The following OR11G2 variants were observed in gnomAD, a reference collection of about 807,000 sequenced individuals.
OR11G2 encodes the protein olfactory receptor family 11 subfamily G member 2.
In OR11G2, 2 loss-of-function variants were observed where a neutral mutation model predicts 0.9. The ratio of observed to expected loss-of-function variants is 2.35; its 90% CI spans 0.96 to 7.38. OR11G2 has a LOEUF of 7.38. OR11G2 is among the 30% of genes most tolerant of loss of function. The pLI, the probability that OR11G2 is intolerant of heterozygous loss-of-function variation, is 0.05. For missense variants in OR11G2, 395 were observed against 371.3 expected (o/e 1.06, Z -0.52); for synonymous variants, 153 against 142.0 (o/e 1.08, Z -0.55).
At position 20,198,117 on chromosome 14, in the gene OR11G2, G is replaced by A. The variant is rs112959092; in HGVS notation, c.680G>A (p.Arg227Lys). 32 of 1,614,122 alleles carry A rather than the reference G, an allele frequency of 2.0e-5. No homozygotes were observed. Among genetic ancestry groups the A allele is most frequent in the African/African-American group, 1.9e-4 (14 of 75,020 alleles). ...GTGGGGTCCTATGCTCTGGTCGTGA[G>A]AGCTGTGTTGAGGGTCCCTTCAGCA... ...FIVGSYALVV[R>K]AVLRVPSAAG... is the part of the protein sequence containing the mutation. The change falls in exon 2 of 2, where the codon AGA becomes AAA. Residue 227 changes from arginine (R) to lysine (K), a missense_variant. Coordinates refer to ENST00000641879, the MANE Select transcript of OR11G2 (RefSeq NM_001386033.1).
chr14:20,195,299 G>A (rs1465032407), intron 1 of OR11G2, among the ~76,000 whole-genome samples: 2 of 152,160 alleles, frequency 1.3e-5, no homozygotes, highest in African/African-American at 2.4e-5. Context: ...CAGCACTTTG[G>A]GAGGTCGAAG....
chr14:20,195,124 T>C (rs1290389176), intron 1 of OR11G2, among the ~76,000 whole-genome samples: 1 of 152,216 alleles, frequency 6.6e-6, no homozygotes, highest in Non-Finnish European at 1.5e-5. Context: ...TTAATCCTTA[T>C]TTTGCTTATA....
At chr14:20,197,035 A>C (rs2139112095) in intron 1 of OR11G2, among the ~76,000 whole-genome samples, 1 of 152,372 alleles carries the variant, frequency 6.6e-6, no homozygotes, top group East Asian at 1.9e-4. Context: ...CACCGTCTGA[A>C]AATGAAATTC....
intron 1 of OR11G2, among the ~76,000 whole-genome samples, chr14:20,194,118 G>A (rs1178004197): frequency 1.3e-5 from 2 of 152,078 alleles, no homozygotes; most frequent in Non-Finnish European, 2.9e-5. Flanking sequence ...TATTATGAAG[G>A]GTCAAACCAA....
At chr14:20,194,035 GA>G (rs1205386487) in intron 1 of OR11G2, among the ~76,000 whole-genome samples, 1 of 152,190 alleles carries the variant, frequency 6.6e-6, no homozygotes, top group African/African-American at 2.4e-5. Context: ...TTGTACAACA[GA>G]GTGTGTGTTT....
At position 20,193,460 on chromosome 14, in the gene OR11G2, T is replaced by C. The variant is rs1033737187; in HGVS notation, c.-5+1794T>C. Among the ~76,000 whole-genome samples, 5 of 152,230 alleles carry C rather than the reference T, an allele frequency of 3.3e-5. No homozygotes were observed. In the South Asian group the frequency reaches 8.3e-4, roughly 25 times the overall value. The stretch of plus-strand genomic sequence containing the variant: ...CCAAGGAGCTTCTGTTGTTCCACAG[T>C]CAAATGGATGTTCCTTGTTCTGTTT... On this transcript the variant is annotated intron_variant, in intron 1 of 1. Coordinates refer to ENST00000641879, the MANE Select transcript of OR11G2 (RefSeq NM_001386033.1).
In OR11G2 at chr14:20,192,523, CA is replaced by C. The variant is rs1879673680; in HGVS notation, c.-5+858del. 5.9e-5 allele frequency among the ~76,000 whole-genome samples: 9 copies of C among 152,308 alleles called. No homozygotes were observed. The South Asian group carries it at 1.9e-3, about 32-fold the overall frequency. Reference sequence around the variant, plus strand: ...CTCTCTGGGATGGGACATGTTCTATCACCCAGAACATTCGATTTCCCATGGC... The same window carrying C: ...CTCTCTGGGATGGGACATGTTCTATCCCCAGAACATTCGATTTCCCATGGC... On this transcript the variant is annotated intron_variant, in intron 1 of 1. Coordinates refer to ENST00000641879, the MANE Select transcript of OR11G2 (RefSeq NM_001386033.1).
intron 1 of OR11G2, among the ~76,000 whole-genome samples, chr14:20,192,151 C>A (rs1879665933): frequency 1.3e-5 from 2 of 152,092 alleles, no homozygotes; most frequent in African/African-American, 4.8e-5. Flanking sequence ...CTCGGCCTCC[C>A]AAATAGCTGG....
rs1334915466 is a variant in OR11G2 at position 20,200,337 on chromosome 14, G to A, written c.*1964G>A. On this transcript the variant is annotated 3_prime_UTR_variant, in exon 2 of 2. Transcript: ENST00000641879. Reference sequence around the variant, plus strand: ...TGTAAAATAGTAAGAGAACAGAACAGTATCCCAGTAAGAAAATGAGCAAAA... The same window carrying A: ...TGTAAAATAGTAAGAGAACAGAACAATATCCCAGTAAGAAAATGAGCAAAA... 1 of 152,068 alleles carries A rather than the reference G, an allele frequency of 6.6e-6. No individual in the cohort carries two copies. Among genetic ancestry groups the A allele is most frequent in the Non-Finnish European group, 1.5e-5 (1 of 68,006 alleles). The allele number at this position is 152,068 out of a possible 1,614,324, so 9.4% of individuals were successfully genotyped here.
rs1356649483 is a variant in OR11G2, at chr14:20,191,249, T to C, written c.-422T>C. 1 of 152,194 alleles carries C rather than the reference T, an allele frequency of 6.6e-6. No homozygotes were observed. Among genetic ancestry groups the C allele is most frequent in the Non-Finnish European group, 1.5e-5 (1 of 68,042 alleles). 9.4% of individuals were successfully genotyped at this position (152,194 alleles called of 1,614,324 possible). On this transcript the variant is annotated 5_prime_UTR_variant, in exon 1 of 2. The change abolishes an upstream ATG in the 5' untranslated region. Coordinates refer to ENST00000641879, the MANE Select transcript of OR11G2 (RefSeq NM_001386033.1). ...CAGAAAGTAAATAGGTGTAATGATA[T>C]GTAGTCAAAATCAAGTGAAGCAGAT... is the stretch of plus-strand genomic sequence containing the variant.
intron 1 of OR11G2, among the ~76,000 whole-genome samples, chr14:20,196,913 A>G (rs2139112001): frequency 6.6e-6 from 1 of 152,358 alleles, no homozygotes; most frequent in East Asian, 1.9e-4. Context: ...AATTTAGAAT[A>G]AGGCCAGTGT....
chr14:20,199,391 TA>T lies in OR11G2; in HGVS notation c.*1022del, dbSNP rs1879854582. 1 of 152,198 alleles carries T rather than the reference TA, an allele frequency of 6.6e-6. No individual in the cohort carries two copies. The allele number at this position is 152,198 out of a possible 1,614,324, so 9.4% of individuals were successfully genotyped here. The stretch of plus-strand genomic sequence containing the variant: ...CAAATTCTCTACCTTCTCAGTTCAG[TA>T]AAACTACTGCTTTCTGCTCAGTCCT... On this transcript the variant is annotated 3_prime_UTR_variant, in exon 2 of 2. Coordinates refer to ENST00000641879, the MANE Select transcript of OR11G2 (RefSeq NM_001386033.1).
Position 20,197,892 on chromosome 14 carries a change from G to T in OR11G2, c.455G>T (p.Cys152Phe). Residue 152 changes from cysteine (C) to phenylalanine (F), a missense_variant, in exon 2 of 2, where the codon TGC (cysteine) becomes TTC (phenylalanine). Transcript: ENST00000641879. ...RRLCTNLVVN[C>F]WVLGFIWFLI... ...CTCTGTACCAATCTTGTGGTCAATT[G>T]CTGGGTACTTGGTTTCATCTGGTTC... is the stretch of plus-strand genomic sequence containing the variant. The T allele has an allele frequency of 1.2e-6, 2 of 1,614,002 alleles. No homozygotes were observed. The highest frequency in any genetic ancestry group is 1.7e-6 in the Non-Finnish European group (2 of 1,179,950).
Position 20,200,731 on chromosome 14 carries a change from A to G in OR11G2, c.*2358A>G, listed in dbSNP as rs1879886288. ...GCATTGTTGTAATAGCAAAATATTG[A>G]GAAAAACATCAGTTCCCATTAATAG... On this transcript the variant is annotated 3_prime_UTR_variant, in exon 2 of 2. Transcript: ENST00000641879. 6.6e-6 allele frequency: 1 copy of G among 152,240 alleles called. No individual in the cohort carries two copies. Among genetic ancestry groups the G allele is most frequent in the South Asian group, 2.1e-4 (1 of 4,834 alleles). 9.4% of individuals were successfully genotyped at this position (152,240 alleles called of 1,614,324 possible).
Position 20,191,403 on chromosome 14 carries a change from C to G in OR11G2, c.-268C>G, listed in dbSNP as rs1879648514. The G allele has an allele frequency of 6.6e-6, 1 of 152,210 alleles. No individual in the cohort carries two copies. The highest frequency in any genetic ancestry group is 1.5e-5 in the Non-Finnish European group (1 of 68,038). 9.4% of individuals were successfully genotyped at this position (152,210 alleles called of 1,614,324 possible). A position where few individuals can be genotyped will look rare whatever the true frequency, so the allele number is the denominator to read the frequency against. ...CATATTATGTATTATAGCACAGGAGCTGGCTAACTTAATGTGGGTCTAATC... is the reference window on the plus strand; with the variant it reads ...CATATTATGTATTATAGCACAGGAGGTGGCTAACTTAATGTGGGTCTAATC... On this transcript the variant is annotated 5_prime_UTR_variant, in exon 1 of 2. Coordinates refer to ENST00000641879, the MANE Select transcript of OR11G2 (RefSeq NM_001386033.1).
chr14:20,196,888 A>G (rs979050727), intron 1 of OR11G2, among the ~76,000 whole-genome samples: 1 of 152,236 alleles, frequency 6.6e-6, no homozygotes, highest in Admixed American at 6.5e-5. Flanking sequence ...TATTAAGTTA[A>G]TAAGTTAACC....
In OR11G2 at chr14:20,199,352, GC is replaced by G. The variant is rs1328605780; in HGVS notation, c.*980del. 1.3e-5 allele frequency: 2 copies of G among 152,200 alleles called. No individual in the cohort carries two copies. Among genetic ancestry groups the G allele is most frequent in the Non-Finnish European group, 2.9e-5 (2 of 68,058 alleles). The allele number at this position is 152,200 out of a possible 1,614,324, so 9.4% of individuals were successfully genotyped here. A position where few individuals can be genotyped will look rare whatever the true frequency, so the allele number is the denominator to read the frequency against. Reference sequence around the variant, plus strand: ...CTCCAGGATTTCTCAAACGCCAGGTGCTTTGGCAACTTTCAAATTCTCTACC... The same window carrying G: ...CTCCAGGATTTCTCAAACGCCAGGTGTTTGGCAACTTTCAAATTCTCTACC... On this transcript the variant is annotated 3_prime_UTR_variant, in exon 2 of 2. Coordinates refer to ENST00000641879, the MANE Select transcript of OR11G2 (RefSeq NM_001386033.1).
At chr14:20,192,961 T>A (rs1294766474) in intron 1 of OR11G2, among the ~76,000 whole-genome samples, 1 of 152,188 alleles carries the variant, frequency 6.6e-6, no homozygotes, top group Non-Finnish European at 1.5e-5. Context: ...GAGGAGACAG[T>A]CAGAGAGGCA....
rs900778052 is a variant in OR11G2 at position 20,198,134 on chromosome 14, C to T, written c.697C>T (p.Pro233Ser). The T allele has an allele frequency of 8.7e-6, 14 of 1,613,956 alleles. No individual in the cohort carries two copies. The highest frequency in any genetic ancestry group is 1.7e-5 in the Admixed American group (1 of 59,996). The change falls in exon 2 of 2, where the codon CCT becomes TCT. Residue 233 changes from proline to serine, a missense_variant. Coordinates refer to ENST00000641879, the MANE Select transcript of OR11G2 (RefSeq NM_001386033.1). The stretch of plus-strand genomic sequence containing the variant: ...GGTCGTGAGAGCTGTGTTGAGGGTC[C>T]CTTCAGCAGCTGGGAGAAGAAAGGC... ...ALVVRAVLRV[P>S]SAAGRRKAFS...
Sources: allele counts gnomAD v4.1 joint callset (sites outside exome capture counted in the v4.1 genomes callset), GRCh38; gene constraint gnomAD v4.1.1; transcripts MANE v1.5; gene names NCBI Gene and HGNC (gene_info 2026-07-23, HGNC 2026-07-21).